ROBO1: variants seen among roughly 807,000 people sequenced by gnomAD.
The protein encoded by ROBO1 is roundabout homolog 1.
In ROBO1, 149 loss-of-function variants were observed where a neutral mutation model predicts 195.9. The observed-to-expected ratio is 0.76, with a 90% CI of 0.67 to 0.87. The LOEUF (loss-of-function observed/expected upper bound fraction) is 0.87. Ranked by LOEUF, ROBO1 falls within the 40% of genes least tolerant of loss-of-function variation. ROBO1 has a pLI of 0.00. For missense variants in ROBO1, 1,933 were observed against 2,068.3 expected (o/e 0.93, Z 1.27); for synonymous variants, 816 against 733.2 (o/e 1.11, Z -1.82).
At chr3:78,843,167 G>A (rs1177104794) in intron 4 of ROBO1, among the ~76,000 whole-genome samples, 1 of 152,018 alleles carries the variant, frequency 6.6e-6, no homozygotes, top group East Asian at 1.9e-4. Flanking sequence ...TCCTGTGGAG[G>A]AGAGCTAGGT....
At position 79,614,879 on chromosome 3, in the gene ROBO1, C is replaced by T. The variant is rs112490845; in HGVS notation, c.-50-24918G>A. 2.1e-3 allele frequency among the ~76,000 whole-genome samples: 318 copies of T among 151,530 alleles called. 1 individual carries two copies. Among genetic ancestry groups the T allele is most frequent in the African/African-American group, 7.1e-3 (294 of 41,350 alleles). On this transcript the variant is annotated intron_variant, in intron 1 of 30. Transcript: ENST00000464233. ...TTCACTCTATGATTTCAGTGCAATC[C>T]CAATTATAATCATGGACATTAAAAA...
chr3:79,651,368 A>AT (rs373029312), intron 1 of ROBO1, among the ~76,000 whole-genome samples: 98 of 152,204 alleles, frequency 6.4e-4, no homozygotes, highest in African/African-American at 2.3e-3. Context: ...TTTTCTGTGT[A>AT]TTTTTTAGGC....
intron 4 of ROBO1, among the ~76,000 whole-genome samples, chr3:78,855,193 G>A (rs550424490): frequency 1.3e-5 from 2 of 152,018 alleles, no homozygotes; most frequent in Non-Finnish European, 1.5e-5. Flanking sequence ...GATCACTTAC[G>A]CTGATTTCAT....
intron 3 of ROBO1, among the ~76,000 whole-genome samples, chr3:78,987,480 G>A (rs1312057195): frequency 3.3e-5 from 5 of 152,088 alleles, no homozygotes; most frequent in Admixed American, 2.6e-4. Flanking sequence ...TTCTGAGGGA[G>A]ACTAGCCATC....
chr3:79,415,282 T>G (rs530153288), intron 2 of ROBO1, among the ~76,000 whole-genome samples: 2 of 152,090 alleles, frequency 1.3e-5, no homozygotes, highest in African/African-American at 4.8e-5. Flanking sequence ...TTCTAGTGAG[T>G]AGAAATGGAC....
chr3:78,696,749 C>A (rs1446282534), intron 8 of ROBO1, among the ~76,000 whole-genome samples: 1 of 140,256 alleles, frequency 7.1e-6, no homozygotes. Flanking sequence ...TATATATATA[C>A]ACATATATAT....
chr3:79,233,625 T>C (rs546255114), intron 2 of ROBO1, among the ~76,000 whole-genome samples: 62 of 152,172 alleles, frequency 4.1e-4, no homozygotes, highest in Admixed American at 1.6e-3. Flanking sequence ...GAACTCCAAG[T>C]GTAGCATTCT....
At chr3:79,591,268 A>T (rs1943993377) in intron 1 of ROBO1, among the ~76,000 whole-genome samples, 1 of 151,894 alleles carries the variant, frequency 6.6e-6, no homozygotes, top group Non-Finnish European at 1.5e-5. Flanking sequence ...TTACTAAATT[A>T]TTGCTGTAGG....
chr3:79,587,007 C>T (rs1943851082), intron 2 of ROBO1, among the ~76,000 whole-genome samples: 1 of 151,808 alleles, frequency 6.6e-6, no homozygotes, highest in Admixed American at 6.6e-5. Flanking sequence ...GCAATGAAAG[C>T]AACAATTCAA....
In ROBO1 at chr3:78,834,577, A is replaced by G. The variant is rs76445019; in HGVS notation, c.500-87677T>C. Among the ~76,000 whole-genome samples the G allele has an allele frequency of 4.3e-3, 660 of 151,818 alleles. 8 individuals carry two copies. Among genetic ancestry groups the G allele is most frequent in the African/African-American group, 0.015 (634 of 41,388 alleles). ...TGTATTCATTTCATCATCAGGGTGC[A>G]TATGCTATATAATGATCAGAACTAT... On this transcript the variant is annotated intron_variant, in intron 4 of 30. Coordinates refer to ENST00000464233, the MANE Select transcript of ROBO1 (RefSeq NM_002941.4).
At chr3:78,750,825 T>C (rs2082774744) in intron 4 of ROBO1, among the ~76,000 whole-genome samples, 1 of 152,140 alleles carries the variant, frequency 6.6e-6, no homozygotes, top group African/African-American at 2.4e-5. Context: ...TGACAACATA[T>C]AATCAATCCC....
At chr3:78,681,793 T>A (rs570993572) in intron 10 of ROBO1, among the ~76,000 whole-genome samples, 1 of 152,092 alleles carries the variant, frequency 6.6e-6, no homozygotes, top group Non-Finnish European at 1.5e-5. Flanking sequence ...TCCCAGCTAC[T>A]CGAGAGGCTG....
intron 2 of ROBO1, among the ~76,000 whole-genome samples, chr3:79,229,826 T>C (rs944899674): frequency 3.3e-5 from 5 of 152,122 alleles, no homozygotes; most frequent in Admixed American, 3.3e-4. Flanking sequence ...TATATTTATT[T>C]AAAATATCTA....
intron 2 of ROBO1, among the ~76,000 whole-genome samples, chr3:79,247,766 C>T (rs2082650972): frequency 6.6e-6 from 1 of 152,036 alleles, no homozygotes; most frequent in African/African-American, 2.4e-5. Flanking sequence ...AAGTAATATG[C>T]CATGGCATAG....
At chr3:78,917,588 C>A (rs2038687384) in intron 4 of ROBO1, among the ~76,000 whole-genome samples, 1 of 151,936 alleles carries the variant, frequency 6.6e-6, no homozygotes. Context: ...TCTGAAATTC[C>A]ATCATGAATA....
intron 5 of ROBO1, among the ~76,000 whole-genome samples, chr3:78,737,812 G>A (rs1157582222): frequency 1.3e-5 from 2 of 151,948 alleles, no homozygotes; most frequent in African/African-American, 4.8e-5. Context: ...AATTTATTTT[G>A]GAAAATAAAT....
intron 2 of ROBO1, among the ~76,000 whole-genome samples, chr3:79,549,424 G>A (rs1327134609): frequency 1.3e-5 from 2 of 152,108 alleles, no homozygotes; most frequent in East Asian, 3.9e-4. Context: ...GGAGATCTGG[G>A]TAATACAGTC....
At chr3:79,743,247 T>C (rs1703725298) in intron 1 of ROBO1, among the ~76,000 whole-genome samples, 1 of 152,252 alleles carries the variant, frequency 6.6e-6, no homozygotes. Flanking sequence ...CTATTGCTTC[T>C]AGACTGCAAA....
chr3:79,136,494 C>T (rs2080411769), intron 2 of ROBO1, among the ~76,000 whole-genome samples: 1 of 152,106 alleles, frequency 6.6e-6, no homozygotes, highest in African/African-American at 2.4e-5. Flanking sequence ...ATATAAACTA[C>T]TATCAATATG....
Sources: allele counts gnomAD v4.1 joint callset (sites outside exome capture counted in the v4.1 genomes callset), GRCh38; gene constraint gnomAD v4.1.1; transcripts MANE v1.5; gene names NCBI Gene and HGNC (gene_info 2026-07-23, HGNC 2026-07-21).